The following SPATA13 variants were observed in gnomAD, a reference collection of about 807,000 sequenced individuals.
The protein encoded by SPATA13 is spermatogenesis associated 13.
In SPATA13, 50 loss-of-function variants were observed where a neutral mutation model predicts 104.0. The ratio of observed to expected loss-of-function variants is 0.48; its 90% confidence interval spans 0.38 to 0.61. SPATA13 has a LOEUF of 0.61. SPATA13 is among the 20% of genes least tolerant of loss of function. The pLI is 0.00. For missense variants in SPATA13, 1,524 were observed against 1,690.6 expected, an observed-to-expected ratio of 0.90 and a Z score of 1.73; for synonymous variants, 606 against 667.5, an observed-to-expected ratio of 0.91 and a Z score of 1.42.
At chr13:24,157,290 T>C (rs1468976964), upstream of SPATA13, among the ~76,000 whole-genome samples, 1 of 48,760 alleles carries the variant, frequency 2.1e-5, no homozygotes, top group Admixed American at 3.5e-4. Flanking sequence ...CTCCTTTTTC[T>C]TTTTTTTCTT....
chr13:24,275,854 A>G (rs1464478568), intron 4 of SPATA13, among the ~76,000 whole-genome samples: 1 of 152,206 alleles, frequency 6.6e-6, no homozygotes, highest in Non-Finnish European at 1.5e-5. Flanking sequence ...GAATCTCTGG[A>G]ACCCTGGAGG....
chr13:24,054,465 G>C (rs930672806), intron 3 of SPATA13, among the ~76,000 whole-genome samples: 13 of 152,208 alleles, frequency 8.5e-5, no homozygotes, highest in African/African-American at 2.9e-4. Flanking sequence ...TTCCAATTTA[G>C]TGTTAGGGGA....
chr13:24,136,381 C>CAGGA (rs1459789327), intron 3 of SPATA13, among the ~76,000 whole-genome samples: 1 of 152,036 alleles, frequency 6.6e-6, no homozygotes, highest in Non-Finnish European at 1.5e-5. Context: ...GAGGCTGGGG[C>CAGGA]AGGAGAACTG....
chr13:24,178,008 C>T (rs1279274674), intron 1 of SPATA13, among the ~76,000 whole-genome samples: 2 of 152,094 alleles, frequency 1.3e-5, no homozygotes, highest in Admixed American at 1.3e-4. Flanking sequence ...GGGTGTGCGC[C>T]ACTATGCCTG....
At chr13:24,145,282 C>T (rs1173501153) in intron 3 of SPATA13, among the ~76,000 whole-genome samples, 3 of 152,186 alleles carry the variant, frequency 2.0e-5, no homozygotes, top group African/African-American at 4.8e-5. Flanking sequence ...AAAGGTCTAA[C>T]TTCATTTTTC....
chr13:24,251,736 A>G lies in SPATA13; in HGVS notation c.2038A>G (p.Met680Val). ...TTTGCAGCCGGCTTCCAGGCCGCCC[A>G]TGCCTGCTCACCAGGTGCCACCCTA... ...LLTQPASRPP[M>V]PAHQVPPYKA... The change falls in exon 4 of 13, where the codon ATG (methionine) becomes GTG (valine). Residue 680 changes from methionine (M) to valine (V), a missense_variant. Around this residue, in one of 2 missense-constraint regions of SPATA13, gnomAD observed 1,089 missense variants for 1,135.9 expected, o/e 0.96. Transcript: ENST00000382108. 6.2e-7 allele frequency: 1 copy of G among 1,614,002 alleles called. No homozygotes were observed. Among genetic ancestry groups the G allele is most frequent in the Non-Finnish European group, 8.5e-7 (1 of 1,179,930 alleles).
intron 3 of SPATA13, among the ~76,000 whole-genome samples, chr13:24,024,038 A>C (rs555796249): frequency 1.0e-3 from 154 of 152,340 alleles, no homozygotes; most frequent in Non-Finnish European, 2.0e-3. Context: ...TGTCAGCTTC[A>C]ATACAGATTT....
intron 2 of SPATA13, among the ~76,000 whole-genome samples, chr13:24,235,115 A>G (rs1041833261): frequency 2.0e-5 from 3 of 152,200 alleles, no homozygotes; most frequent in African/African-American, 7.2e-5. Context: ...CCTTTGGTCA[A>G]ACATTTCAGT....
intron 2 of SPATA13, among the ~76,000 whole-genome samples, chr13:24,246,552 CA>C (rs1225900947): frequency 6.6e-6 from 1 of 152,132 alleles, no homozygotes; most frequent in African/African-American, 2.4e-5. Context: ...GTGTGAGAGA[CA>C]GAGTTCATAG....
At chr13:24,061,956 C>G (rs1436552818) in intron 3 of SPATA13, among the ~76,000 whole-genome samples, 3 of 151,968 alleles carry the variant, frequency 2.0e-5, no homozygotes, top group African/African-American at 7.3e-5. Flanking sequence ...ACACAGCTAG[C>G]TGGTATGTTT....
intron 3 of SPATA13, among the ~76,000 whole-genome samples, chr13:24,053,884 C>A (rs1353783856): frequency 6.6e-6 from 1 of 152,168 alleles, no homozygotes; most frequent in Non-Finnish European, 1.5e-5. Context: ...TAGGAATTCA[C>A]AAGGGATTTT....
intron 3 of SPATA13, among the ~76,000 whole-genome samples, chr13:24,045,138 C>T (rs1328179061): frequency 6.6e-6 from 1 of 152,094 alleles, no homozygotes; most frequent in Admixed American, 6.5e-5. Context: ...CATTGCCAAT[C>T]CTTCTGACAA....
chr13:24,279,365 C>T (rs1227459748), intron 4 of SPATA13, among the ~76,000 whole-genome samples: 1 of 152,172 alleles, frequency 6.6e-6, no homozygotes, highest in Non-Finnish European at 1.5e-5. Context: ...AGAACTTTGG[C>T]TGTCTCCCCT....
At chr13:24,013,377 C>G (rs1876566675) in intron 2 of SPATA13, among the ~76,000 whole-genome samples, 1 of 152,156 alleles carries the variant, frequency 6.6e-6, no homozygotes, top group Non-Finnish European at 1.5e-5. Context: ...ACTTGCTGCT[C>G]AGTTTCCCTC....
At position 24,037,697 on chromosome 13, in the gene SPATA13, C is replaced by T. The variant is rs375043806; in HGVS notation, c.-112+19996C>T. Among the ~76,000 whole-genome samples the T allele has an allele frequency of 1.5e-4, 23 of 152,094 alleles. No individual in the cohort carries two copies. In the South Asian group the frequency reaches 3.5e-3, roughly 23 times the overall value. On this transcript the variant is annotated intron_variant, in intron 3 of 14. Transcript: ENST00000424834. ...AGCTGAGATTACAGGCATGAGCCAC[C>T]GTGCCCAGCCGGCTAACACTTTTAA...
exon 1 of SPATA13, chr13:23,979,898 G>A (rs1874794723): frequency 6.6e-6 from 1 of 152,264 alleles, no homozygotes; most frequent in African/African-American, 2.4e-5. Flanking sequence ...AGGACCCTCT[G>A]AGGACGTAGG....
chr13:24,190,944 G>T lies in SPATA13; in HGVS notation c.-112+30012G>T, dbSNP rs376933201. On this transcript the variant is annotated intron_variant, in intron 1 of 12. Coordinates refer to ENST00000382108, the MANE Select transcript of SPATA13 (RefSeq NM_001166271.3). ...TATGAAGGAAGAGTCAACAAATGCA[G>T]CAAACCTCACTGTCTTCTCATTTTA... Among the ~76,000 whole-genome samples, 5 of 152,030 alleles carry T rather than the reference G, an allele frequency of 3.3e-5. No individual in the cohort carries two copies. The East Asian group carries it at 5.8e-4, about 18-fold the overall frequency.
chr13:24,000,493 G>C (rs1345108574), intron 2 of SPATA13, among the ~76,000 whole-genome samples: 1 of 152,152 alleles, frequency 6.6e-6, no homozygotes, highest in Non-Finnish European at 1.5e-5. Flanking sequence ...GGCAGATAGA[G>C]CCCTTGCCAT....
chr13:24,240,525 C>T (rs999601553), intron 2 of SPATA13, among the ~76,000 whole-genome samples: 1 of 152,026 alleles, frequency 6.6e-6, no homozygotes, highest in Non-Finnish European at 1.5e-5. Flanking sequence ...GACATGGTCA[C>T]GGGCTGGGAT....
Sources: allele counts gnomAD v4.1 joint callset (sites outside exome capture counted in the v4.1 genomes callset), GRCh38; gene constraint gnomAD v4.1.1; regional missense constraint gnomAD v4.1.1; transcripts MANE v1.5; gene names NCBI Gene and HGNC (gene_info 2026-07-23, HGNC 2026-07-21).